Variants in ROCK2 observed in about 807,000 individuals in gnomAD.
ROCK2 encodes the protein Rho associated coiled-coil containing protein kinase 2.
ROCK2 carries 61 observed loss-of-function variants against 195.1 expected under a neutral mutation model. The ratio of observed to expected loss-of-function variants is 0.31; its 90% CI spans 0.25 to 0.39. The LOEUF (loss-of-function observed/expected upper bound fraction) is 0.39. Among genes scored for constraint, ROCK2 ranks in the 10% least tolerant of loss-of-function variants. The pLI is 1.00. For missense variants in ROCK2, 1,109 were observed against 1,637.4 expected, an observed-to-expected ratio of 0.68 and a Z score of 5.57; for synonymous variants, 504 against 545.5, an observed-to-expected ratio of 0.92 and a Z score of 1.06.
chr2:11,292,282 A>G (rs1192517497), intron 1 of ROCK2, among the ~76,000 whole-genome samples: 2 of 152,284 alleles, frequency 1.3e-5, no homozygotes, highest in African/African-American at 4.8e-5. Context: ...TTAATACAGC[A>G]TATATTATTA....
intron 5 of ROCK2, among the ~76,000 whole-genome samples, chr2:11,228,966 G>C (rs1425247231): frequency 6.6e-6 from 1 of 152,042 alleles, no homozygotes; most frequent in South Asian, 2.1e-4. Context: ...AAAGAAACAG[G>C]AACAACCTGG....
chr2:11,261,922 T>C (rs1666240953), intron 3 of ROCK2, among the ~76,000 whole-genome samples: 1 of 152,208 alleles, frequency 6.6e-6, no homozygotes, highest in Admixed American at 6.5e-5. Flanking sequence ...ATTTATCTAA[T>C]CTCTAAATTT....
intron 32 of ROCK2, among the ~76,000 whole-genome samples, chr2:11,185,329 T>C (rs990409735): frequency 5.3e-5 from 8 of 152,252 alleles, no homozygotes; most frequent in African/African-American, 1.9e-4. Flanking sequence ...TAAGTAGCAT[T>C]AGCAAGTCAT....
Position 11,208,432 on chromosome 2 carries a change from A to G in ROCK2, c.2219T>C (p.Leu740Pro). 1 of 1,512,012 alleles carries G rather than the reference A, an allele frequency of 6.6e-7. No homozygotes were observed. The highest frequency in any genetic ancestry group is 8.9e-7 in the Non-Finnish European group (1 of 1,119,864). The allele number at this position is 1,512,012 out of a possible 1,614,324, so 93.7% of individuals were successfully genotyped here. A position where few individuals can be genotyped will look rare whatever the true frequency, so the allele number is the denominator to read the frequency against. ...SEAMKEMEKK[L>P]LEERTLKQKV... ...CTGTTTTAAAGTTCTTTCCTCCAAGAGCTTCTTCTCCATTTCTAGTATAAT... is the reference window on the plus strand; with the variant it reads ...CTGTTTTAAAGTTCTTTCCTCCAAGGGCTTCTTCTCCATTTCTAGTATAAT... The change falls in exon 19 of 33, where the codon CTC becomes CCC. Residue 740 changes from leucine (L) to proline (P), a missense_variant. Transcript: ENST00000315872.
In ROCK2 at chr2:11,197,660, T is replaced by G; in HGVS notation, c.3145A>C (p.Lys1049Gln). Residue 1049 changes from lysine to glutamine, a missense_variant, in exon 26 of 33, where the codon AAG becomes CAG. Around this residue, in one of 6 missense-constraint regions of ROCK2, gnomAD observed 29 missense variants for 75.0 expected, o/e 0.39. Transcript: ENST00000315872. The surrounding 1 kb of genome is among the most constrained non-coding windows in gnomAD (Gnocchi z 4.9). ...CGCACATCTGTGTCATTACCACGCT[T>G]GACAGGTTCTTTTCGATTCATGATC... ...AEIMNRKEPVKRGNDTDVRRK... is the reference protein window; with the variant it reads ...AEIMNRKEPVQRGNDTDVRRK... 1 of 1,605,056 alleles carries G rather than the reference T, an allele frequency of 6.2e-7. No homozygotes were observed. The highest frequency in any genetic ancestry group is 8.5e-7 in the Non-Finnish European group (1 of 1,175,536).
At chr2:11,247,257 T>C (rs1352335640) in intron 4 of ROCK2, among the ~76,000 whole-genome samples, 1 of 152,040 alleles carries the variant, frequency 6.6e-6, no homozygotes, top group African/African-American at 2.4e-5. Flanking sequence ...CTTTGGAGGG[T>C]GAGAAAAATG....
At chr2:11,327,023 A>C (rs1668570199) in intron 1 of ROCK2, among the ~76,000 whole-genome samples, 1 of 152,214 alleles carries the variant, frequency 6.6e-6, no homozygotes, top group African/African-American at 2.4e-5. Flanking sequence ...CAGCTCTTTC[A>C]GGGACTAGAG....
chr2:11,294,444 A>G (rs1667452914), intron 1 of ROCK2, among the ~76,000 whole-genome samples: 1 of 152,064 alleles, frequency 6.6e-6, no homozygotes, highest in African/African-American at 2.4e-5. Flanking sequence ...GGTGTTAATT[A>G]TATGGTGGAA....
chr2:11,204,378 T>C (rs17366643), intron 20 of ROCK2, among the ~76,000 whole-genome samples: 68,371 of 151,706 alleles, frequency 0.45, 16,941 homozygotes, highest in Non-Finnish European at 0.55. Flanking sequence ...CTAACACTCC[T>C]ATCCTGTCAT....
chr2:11,338,841 A>T (rs1396720702), intron 1 of ROCK2, among the ~76,000 whole-genome samples: 11 of 152,152 alleles, frequency 7.2e-5, no homozygotes, highest in Non-Finnish European at 1.6e-4. Flanking sequence ...AAGAAGCCAG[A>T]CACAGAAAAG....
In ROCK2 at chr2:11,235,789, G is replaced by A. The variant is rs1665182245; in HGVS notation, c.636C>T (p.His212=). 3 of 1,613,766 alleles carry A rather than the reference G, an allele frequency of 1.9e-6. No homozygotes were observed. The highest frequency in any genetic ancestry group is 2.5e-6 in the Non-Finnish European group (3 of 1,179,918). ...LDAIHSMGLI[H]RDVKPDNMLL... is the part of the protein sequence containing the mutation. The stretch of plus-strand genomic sequence containing the variant: ...GCATGTTGTCAGGCTTCACATCTCT[G>A]TGTATTAAACCCATGGAGTGTATTG... The change falls in exon 5 of 33, where the codon CAC becomes CAT. Residue 212 remains histidine, a synonymous_variant. Transcript: ENST00000315872. The surrounding 1 kb of genome is among the most constrained non-coding windows in gnomAD (Gnocchi z 4.2).
rs767887932 is a variant in ROCK2, at chr2:11,201,167, T to G, written c.2724-24A>C. On this transcript the variant is annotated intron_variant, in intron 22 of 32. Coordinates refer to ENST00000315872, the MANE Select transcript of ROCK2 (RefSeq NM_004850.5). This position sits in a 1 kb window ranked among gnomAD's most constrained non-coding sequence, Gnocchi z 4.6. ...CCCTACATTTTAGCAATATATCATT[T>G]TAATGGTTCAGTTTTCACTATGAAG... 1.9e-6 allele frequency: 3 copies of G among 1,581,654 alleles called. No homozygotes were observed. The highest frequency in any genetic ancestry group is 1.7e-6 in the Non-Finnish European group (2 of 1,166,088).
At position 11,180,464 on chromosome 2, in the gene ROCK2, A is replaced by G. The variant is rs1228951544; in HGVS notation, c.*2973T>C. 6.6e-6 allele frequency: 1 copy of G among 152,220 alleles called. No individual in the cohort carries two copies. Among genetic ancestry groups the G allele is most frequent in the Admixed American group, 6.5e-5 (1 of 15,278 alleles). The allele number at this position is 152,220 out of a possible 1,614,324, so 9.4% of individuals were successfully genotyped here. A position where few individuals can be genotyped will look rare whatever the true frequency, so the allele number is the denominator to read the frequency against. On this transcript the variant is annotated 3_prime_UTR_variant, in exon 33 of 33. Coordinates refer to ENST00000315872, the MANE Select transcript of ROCK2 (RefSeq NM_004850.5). Reference sequence around the variant, plus strand: ...CTGGAACATTTTAAAACTTTCATATAGATTTTTAAAACTTGTTTCTAGAGA... The same window carrying G: ...CTGGAACATTTTAAAACTTTCATATGGATTTTTAAAACTTGTTTCTAGAGA...
At chr2:11,186,953 C>T (rs1269770101) in intron 32 of ROCK2, among the ~76,000 whole-genome samples, 1 of 152,110 alleles carries the variant, frequency 6.6e-6, no homozygotes, top group Non-Finnish European at 1.5e-5. Context: ...TTACATAGTA[C>T]TGTAATTGCC....
chr2:11,202,121 T>C lies in ROCK2; in HGVS notation c.2550A>G (p.Lys850=), dbSNP rs765295297. 1 of 1,610,350 alleles carries C rather than the reference T, an allele frequency of 6.2e-7. No individual in the cohort carries two copies. Among genetic ancestry groups the C allele is most frequent in the East Asian group, 2.2e-5 (1 of 44,856 alleles). Reference sequence around the variant, plus strand: ...TTTGCCCATCTGCATCCTGACGTTCTCTGTGAGGACAATGAATCAAAGGTT... The same window carrying C: ...TTTGCCCATCTGCATCCTGACGTTCCCTGTGAGGACAATGAATCAAAGGTT... ...NLEKQNAELR[K]ERQDADGQMK... is the part of the protein sequence containing the mutation. The change falls in exon 21 of 33, where the codon AAA becomes AAG. Residue 850 remains lysine (K), a splice_region_variant and synonymous_variant. Coordinates refer to ENST00000315872, the MANE Select transcript of ROCK2 (RefSeq NM_004850.5).
At chr2:11,345,430 C>T (rs1669275880), upstream of ROCK2, among the ~76,000 whole-genome samples, 1 of 152,216 alleles carries the variant, frequency 6.6e-6, no homozygotes, top group Non-Finnish European at 1.5e-5. Flanking sequence ...TAGATCCGCC[C>T]AGGGCGCAAT....
At chr2:11,305,118 G>A (rs890251740) in intron 1 of ROCK2, among the ~76,000 whole-genome samples, 6 of 152,208 alleles carry the variant, frequency 3.9e-5, no homozygotes, top group African/African-American at 1.4e-4. Context: ...GCTCATGCCT[G>A]TAATCCCAAC....
intron 1 of ROCK2, among the ~76,000 whole-genome samples, chr2:11,293,032 C>T (rs1384947318): frequency 6.6e-6 from 1 of 152,172 alleles, no homozygotes; most frequent in African/African-American, 2.4e-5. Context: ...CCTCTCCAGC[C>T]ACGCTTCCTG....
Position 11,194,966 on chromosome 2 carries a change from A to T in ROCK2, c.3508T>A (p.Trp1170Arg). 6.4e-7 allele frequency: 1 copy of T among 1,571,674 alleles called. No individual in the cohort carries two copies. The highest frequency in any genetic ancestry group is 8.7e-7 in the Non-Finnish European group (1 of 1,155,658). Residue 1170 changes from tryptophan (W) to arginine (R), a missense_variant, in exon 28 of 33, where the codon TGG (tryptophan) becomes AGG (arginine). By Grantham distance (101) the Trp-to-Arg change is moderately radical. This residue lies in a region of ROCK2 where 221 missense variants were observed against 355.1 expected (regional missense o/e 0.62). Transcript: ENST00000315872. ...PVRNNTKKFG[W>R]VKKYVIVSSK... is the part of the protein sequence containing the mutation. ...AAAGTATCAATTACCTTTTTAACCC[A>T]TCCAAATTTCTTAGTGTTGTTTCGT... is the stretch of plus-strand genomic sequence containing the variant.
Sources: gnomAD v4.1 joint callset for allele counts (sites outside exome capture counted in the v4.1 genomes callset) on GRCh38, gnomAD v4.1.1 for gene constraint, gnomAD v4.1.1 regional missense constraint, Gnocchi (gnomAD v3.1) non-coding constraint, MANE v1.5 for transcripts, NCBI Gene and HGNC (gene_info 2026-07-23, HGNC 2026-07-21) for gene names.